Variants in PACRG observed in about 807,000 individuals in gnomAD.
PACRG encodes parkin coregulated gene protein.
Under a neutral mutation model 29.7 loss-of-function variants are expected in PACRG, and 29 were observed. The observed-to-expected ratio is 0.98, with a 90% CI of 0.73 to 1.33. The LOEUF (loss-of-function observed/expected upper bound fraction) is 1.33, where lower values mean the gene tolerates loss of function less well. PACRG is among the 40% of genes most tolerant of loss of function. PACRG has a pLI of 0.00. For missense variants in PACRG, 279 were observed against 316.2 expected (o/e 0.88, Z 0.89); for synonymous variants, 116 against 118.7 (o/e 0.98, Z 0.15).
chr6:162,742,017 T>G (rs1236853121), intron 1 of PACRG, among the ~76,000 whole-genome samples: 5 of 152,166 alleles, frequency 3.3e-5, no homozygotes, highest in Non-Finnish European at 7.4e-5. Flanking sequence ...TTTCTCCTAT[T>G]TAACTAAAAT....
At chr6:162,740,882 A>G (rs968684765) in intron 1 of PACRG, among the ~76,000 whole-genome samples, 1 of 151,750 alleles carries the variant, frequency 6.6e-6, no homozygotes, top group African/African-American at 2.4e-5. Flanking sequence ...TACATGCATG[A>G]GCCACCACGC....
chr6:163,103,595 C>G lies in PACRG; in HGVS notation c.613+14187C>G, dbSNP rs907635552. The stretch of plus-strand genomic sequence containing the variant: ...GGTCAGCAGATTAGTAACCTTAATT[C>G]TGTTTGCAAAGTCCTTTCACAACAA... On this transcript the variant is annotated intron_variant, in intron 4 of 4. Coordinates refer to ENST00000366888, the MANE Select transcript of PACRG (RefSeq NM_001080379.2). Among the ~76,000 whole-genome samples the G allele has an allele frequency of 3.9e-5, 6 of 152,114 alleles. No individual in the cohort carries two copies. In the South Asian group the frequency reaches 6.2e-4, roughly 16 times the overall value.
At chr6:162,940,141 C>T (rs1284001632) in intron 2 of PACRG, among the ~76,000 whole-genome samples, 1 of 152,146 alleles carries the variant, frequency 6.6e-6, no homozygotes, top group African/African-American at 2.4e-5. Context: ...TCAAATATCT[C>T]ATTTTATAGA....
At chr6:163,198,558 T>C (rs1780570121) in intron 4 of PACRG, among the ~76,000 whole-genome samples, 1 of 152,098 alleles carries the variant, frequency 6.6e-6, no homozygotes, top group African/African-American at 2.4e-5. Flanking sequence ...TGAGAACGGG[T>C]GGATCGGATG....
intron 2 of PACRG, among the ~76,000 whole-genome samples, chr6:162,817,934 A>T (rs1454164793): frequency 3.9e-5 from 6 of 152,194 alleles, no homozygotes; most frequent in Admixed American, 6.5e-5. Context: ...CTATATACTT[A>T]TCAATGGCAA....
intron 2 of PACRG, among the ~76,000 whole-genome samples, chr6:162,877,281 T>C (rs1793441643): frequency 6.6e-6 from 1 of 152,184 alleles, no homozygotes; most frequent in Admixed American, 6.5e-5. Context: ...TCATGTCCTT[T>C]GCAGGGACAT....
At chr6:162,774,974 C>A (rs1481709674) in intron 1 of PACRG, among the ~76,000 whole-genome samples, 4 of 152,126 alleles carry the variant, frequency 2.6e-5, no homozygotes, top group Admixed American at 2.6e-4. Context: ...AGGGTTTACC[C>A]AACGATGGCC....
At chr6:162,874,795 TCACA>T (rs1793152940) in intron 2 of PACRG, among the ~76,000 whole-genome samples, 1 of 151,370 alleles carries the variant, frequency 6.6e-6, no homozygotes, top group African/African-American at 2.4e-5. Context: ...TATTCCCACA[TCACA>T]CACAAAGTCA....
intron 2 of PACRG, among the ~76,000 whole-genome samples, chr6:163,027,749 G>A (rs1323622479): frequency 2.0e-5 from 3 of 152,222 alleles, no homozygotes; most frequent in Non-Finnish European, 4.4e-5. Flanking sequence ...TTCATGGCCA[G>A]TCAAGAGATG....
At chr6:162,873,114 C>T (rs530273223) in intron 2 of PACRG, among the ~76,000 whole-genome samples, 1 of 152,260 alleles carries the variant, frequency 6.6e-6, no homozygotes, top group East Asian at 1.9e-4. Context: ...ATGTTTTTCC[C>T]TGGAACTACA....
chr6:163,204,155 T>C (rs944026336), intron 4 of PACRG, among the ~76,000 whole-genome samples: 1 of 152,262 alleles, frequency 6.6e-6, no homozygotes, highest in Non-Finnish European at 1.5e-5. Flanking sequence ...TCATTTCATT[T>C]ATAGCCATTC....
chr6:162,871,933 A>T (rs1792852460), intron 2 of PACRG, among the ~76,000 whole-genome samples: 1 of 152,070 alleles, frequency 6.6e-6, no homozygotes, highest in Non-Finnish European at 1.5e-5. Context: ...AAACAAAAAC[A>T]AAAACAAAAC....
At chr6:163,110,187 A>G (rs995718958) in intron 4 of PACRG, among the ~76,000 whole-genome samples, 24 of 152,208 alleles carry the variant, frequency 1.6e-4, no homozygotes, top group Non-Finnish European at 3.2e-4. Flanking sequence ...CCACTGTTTC[A>G]CTTTGTGCAG....
At chr6:163,137,983 G>A (rs549152074) in intron 4 of PACRG, among the ~76,000 whole-genome samples, 28 of 152,320 alleles carry the variant, frequency 1.8e-4, no homozygotes, top group Admixed American at 2.0e-4. Flanking sequence ...TCAGCCTTCC[G>A]AGTCTCCTCT....
chr6:162,899,993 G>A (rs545649629), intron 2 of PACRG, among the ~76,000 whole-genome samples: 1 of 152,222 alleles, frequency 6.6e-6, no homozygotes, highest in African/African-American at 2.4e-5. Context: ...GGAAGGTCAG[G>A]GAGCTGCAGG....
intron 2 of PACRG, among the ~76,000 whole-genome samples, chr6:162,917,907 G>A (rs1796806185): frequency 1.3e-5 from 2 of 152,206 alleles, no homozygotes; most frequent in Middle Eastern, 6.8e-3. Flanking sequence ...CATCATTCTT[G>A]TCATTTTTAG....
chr6:162,875,545 T>C (rs1793267130), intron 2 of PACRG, among the ~76,000 whole-genome samples: 1 of 152,222 alleles, frequency 6.6e-6, no homozygotes. Flanking sequence ...TTAAACATTT[T>C]AAAAACTCTT....
rs140045182 is a variant in PACRG at position 162,828,752 on chromosome 6, AT to A, written c.291+14472del. 1.4e-3 allele frequency among the ~76,000 whole-genome samples: 219 copies of A among 152,340 alleles called. 1 individual carries two copies. The highest frequency in any genetic ancestry group is 5.2e-3 in the African/African-American group (216 of 41,574). On this transcript the variant is annotated intron_variant, in intron 2 of 4. Coordinates refer to ENST00000366888, the MANE Select transcript of PACRG (RefSeq NM_001080379.2). ...AATATTGTCTAAATTATTTTTAAAAATAAGAGTCCTAACTTAATAATTTGCC... is the reference window on the plus strand; with the variant it reads ...AATATTGTCTAAATTATTTTTAAAAAAAGAGTCCTAACTTAATAATTTGCC...
intron 4 of PACRG, among the ~76,000 whole-genome samples, chr6:163,180,050 C>T (rs58370632): frequency 0.089 from 13,534 of 152,256 alleles, 650 homozygotes; most frequent in South Asian, 0.13. Context: ...TTTCTGAAGA[C>T]GACATTGACT....
Sources: allele counts gnomAD v4.1 joint callset (sites outside exome capture counted in the v4.1 genomes callset), GRCh38; gene constraint gnomAD v4.1.1; transcripts MANE v1.5; gene names NCBI Gene and HGNC (gene_info 2026-07-23, HGNC 2026-07-21).